The following TJP2 variants were observed in gnomAD, a reference collection of about 807,000 sequenced individuals.
TJP2 encodes tight junction protein 2.
In TJP2, 91 loss-of-function variants were observed where a neutral mutation model predicts 133.1. That is an observed-to-expected ratio of 0.68 (90% confidence interval 0.58 to 0.81). The LOEUF (loss-of-function observed/expected upper bound fraction) is 0.81, where lower values mean the gene tolerates loss of function less well. TJP2 is among the 40% of genes least tolerant of loss of function. TJP2 has a pLI of 0.00. For missense variants in TJP2, 1,541 were observed against 1,565.6 expected (o/e 0.98, Z 0.26); for synonymous variants, 592 against 583.4 (o/e 1.01, Z -0.21).
At chr9:69,175,837 C>T (rs908236167) in intron 1 of TJP2, among the ~76,000 whole-genome samples, 3 of 152,208 alleles carry the variant, frequency 2.0e-5, no homozygotes, top group Non-Finnish European at 2.9e-5. Context: ...AGTGGGGCCA[C>T]TTTATTTCTT....
chr9:69,174,394 G>A lies in TJP2; in HGVS notation c.22G>A (p.Gly8Arg), dbSNP rs1824898173. 2 of 1,551,994 alleles carry A rather than the reference G, an allele frequency of 1.3e-6. No individual in the cohort carries two copies. Among genetic ancestry groups the A allele is most frequent in the Non-Finnish European group, 1.7e-6 (2 of 1,147,178 alleles). Reference protein sequence around the residue: MPVRGDRGFPPRRELSGW... With the variant: MPVRGDRRFPPRRELSGW... ...CGAAATGCCGGTGCGAGGAGACCGC[G>A]GGTTTCCACCCCGGCGGGAGCTGTC... Residue 8 changes from glycine (G) to arginine (R), a missense_variant, in exon 1 of 23, where the codon GGG becomes AGG. By Grantham distance (125) the Gly-to-Arg change is moderately radical (BLOSUM62 -2). Coordinates refer to ENST00000377245, the MANE Select transcript of TJP2 (RefSeq NM_004817.4).
intron 2 of TJP2, among the ~76,000 whole-genome samples, 186 bp from the exon 3 acceptor site, chr9:69,216,153 C>T (rs1828358469): frequency 6.6e-6 from 1 of 152,160 alleles, no homozygotes. Context: ...TAAGGAATTT[C>T]CCTTTATAAA....
At position 69,153,350 on chromosome 9, in the gene TJP2, A is replaced by G. The variant is rs138176449; in HGVS notation, c.-10+1579A>G. Reference sequence around the variant, plus strand: ...GTAATCCCAGCAATTTGGGAGGCCAATGTGGAAGGATGGCTTGAGCCCAGG... The same window carrying G: ...GTAATCCCAGCAATTTGGGAGGCCAGTGTGGAAGGATGGCTTGAGCCCAGG... On this transcript the variant is annotated intron_variant, in intron 2 of 5. Transcript: ENST00000423935. Among the ~76,000 whole-genome samples the G allele has an allele frequency of 5.3e-5, 8 of 152,244 alleles. No homozygotes were observed. The East Asian group carries it at 7.7e-4, about 15-fold the overall frequency.
intron 1 of TJP2, among the ~76,000 whole-genome samples, chr9:69,183,686 G>A (rs549708384): frequency 6.6e-6 from 1 of 152,260 alleles, no homozygotes; most frequent in African/African-American, 2.4e-5. Context: ...TTTCTCTTGT[G>A]TGAATTCCTA....
intron 1 of TJP2, among the ~76,000 whole-genome samples, chr9:69,207,167 T>A (rs997122006): frequency 1.3e-5 from 2 of 152,230 alleles, no homozygotes; most frequent in African/African-American, 4.8e-5. Flanking sequence ...ATTAATTTTG[T>A]TGGCAATTTT....
intron 18 of TJP2, among the ~76,000 whole-genome samples, chr9:69,247,004 A>G (rs551405510): frequency 9.8e-5 from 15 of 152,340 alleles, no homozygotes; most frequent in Admixed American, 2.0e-4. Context: ...CCCTACATTC[A>G]CTTCCCTTTC....
In TJP2 at chr9:69,138,980, A is replaced by G. The variant is rs1822896917; in HGVS notation, c.-130-12671A>G. Among the ~76,000 whole-genome samples the G allele has an allele frequency of 2.0e-5, 3 of 151,562 alleles. No individual in the cohort carries two copies. In the South Asian group the frequency reaches 6.3e-4, roughly 32 times the overall value. On this transcript the variant is annotated intron_variant, in intron 1 of 5. Coordinates refer to the TJP2 transcript ENST00000423935. ...TATAATCCCAGCATTTTGGGAGGCC[A>G]AGGCAGGCAGATCACCTGAGGTCAG...
In TJP2 at chr9:69,218,242, A is replaced by G. The variant is rs745846584; in HGVS notation, c.240-15A>G. Reference sequence around the variant, plus strand: ...TGGGAGTTTTTCATGACCCATTTTTATTTCTTGTTTACAGAGAAAATGACA... The same window carrying G: ...TGGGAGTTTTTCATGACCCATTTTTGTTTCTTGTTTACAGAGAAAATGACA... On this transcript the variant is annotated splice_polypyrimidine_tract_variant and intron_variant, in intron 3 of 22. Transcript: ENST00000377245. 47 of 1,598,686 alleles carry G rather than the reference A, an allele frequency of 2.9e-5. No homozygotes were observed. Among genetic ancestry groups the G allele is most frequent in the Non-Finnish European group, 4.0e-5 (47 of 1,165,990 alleles).
At chr9:69,142,056 T>A (rs749113957) in intron 1 of TJP2, among the ~76,000 whole-genome samples, 1 of 152,144 alleles carries the variant, frequency 6.6e-6, no homozygotes, top group Non-Finnish European at 1.5e-5. Flanking sequence ...TTGGTATGAC[T>A]GGGGACACAC....
In TJP2 at chr9:69,182,677, G is replaced by C. The variant is rs558342949; in HGVS notation, c.60+8245G>C. ...AGCAGTGGCACGACCTCTGTTACAA[G>C]TCTGCTTATTGATAATGAAGCTTTT... On this transcript the variant is annotated intron_variant, in intron 1 of 22. Transcript: ENST00000377245. 8.2e-4 allele frequency among the ~76,000 whole-genome samples: 124 copies of C among 151,970 alleles called. 2 individuals are homozygous for C. Among genetic ancestry groups the C allele is most frequent in the African/African-American group, 2.9e-3 (119 of 41,462 alleles).
At chr9:69,219,079 C>CGAA (rs2133256512) in intron 4 of TJP2, among the ~76,000 whole-genome samples, 1 of 151,956 alleles carries the variant, frequency 6.6e-6, no homozygotes, top group Non-Finnish European at 1.5e-5. Flanking sequence ...AAGCGATTCT[C>CGAA]CTGCCTCAGC....
chr9:69,179,224 AT>A (rs1211371650), intron 1 of TJP2, among the ~76,000 whole-genome samples: 1 of 152,228 alleles, frequency 6.6e-6, no homozygotes, highest in Non-Finnish European at 1.5e-5. Flanking sequence ...TACTTTAGTC[AT>A]TTAAAATCAG....
At chr9:69,144,781 C>T (rs1338658436) in intron 1 of TJP2, among the ~76,000 whole-genome samples, 1 of 152,188 alleles carries the variant, frequency 6.6e-6, no homozygotes, top group Non-Finnish European at 1.5e-5. Context: ...CTATCAAGAG[C>T]TCCAACTTCC....
intron 1 of TJP2, among the ~76,000 whole-genome samples, chr9:69,137,349 G>T: frequency 8.6e-6 from 1 of 116,704 alleles, no homozygotes; most frequent in East Asian, 2.4e-4. Context: ...TTTGAGACAG[G>T]GTTTTGCTTT....
intron 2 of TJP2, among the ~76,000 whole-genome samples, chr9:69,152,393 C>T (rs1823518329): frequency 2.0e-5 from 3 of 152,182 alleles, no homozygotes; most frequent in African/African-American, 7.2e-5. Flanking sequence ...CAGGCCATGG[C>T]TAGCTGGAAT....
chr9:69,168,829 T>G lies in TJP2; in HGVS notation c.-10+17058T>G, dbSNP rs939480021. On this transcript the variant is annotated intron_variant, in intron 2 of 5. Transcript: ENST00000423935. ...AAAAAAAAAAAAAGAAAAAAGAAAG[T>G]AATATATAATAACTAAAAGTGAAAG... 1.1e-4 allele frequency among the ~76,000 whole-genome samples: 16 copies of G among 146,324 alleles called. No homozygotes were observed. The East Asian group carries it at 3.1e-3, about 29-fold the overall frequency.
intron 11 of TJP2, among the ~76,000 whole-genome samples, chr9:69,233,764 G>GA (rs1459416580): frequency 1.3e-5 from 2 of 151,428 alleles, no homozygotes; most frequent in African/African-American, 2.4e-5. Context: ...GCGACAGAGG[G>GA]AGACTACATC....
intron 1 of TJP2, among the ~76,000 whole-genome samples, chr9:69,137,329 C>CT (rs751674133): frequency 6.3e-5 from 7 of 111,836 alleles, no homozygotes; most frequent in South Asian, 2.9e-4. Context: ...CTTTTCTTTT[C>CT]TTTTTTTTTT....
intron 18 of TJP2, 31 bp downstream of exon 18, chr9:69,246,821 G>A: frequency 2.5e-6 from 4 of 1,586,024 alleles, no homozygotes; most frequent in Non-Finnish European, 3.5e-6. Context: ...GCTATGAGGT[G>A]AGAGTCCCTG....
Sources: gnomAD v4.1 joint callset for allele counts (sites outside exome capture counted in the v4.1 genomes callset) on GRCh38, gnomAD v4.1.1 for gene constraint, MANE v1.5 for transcripts, NCBI Gene and HGNC (gene_info 2026-07-23, HGNC 2026-07-21) for gene names.